The following NOVA1 variants were observed in gnomAD, a reference collection of about 807,000 sequenced individuals.
The protein encoded by NOVA1 is RNA-binding protein Nova-1.
A neutral mutation model predicts 38.0 loss-of-function variants in NOVA1; 7 were observed. The observed-to-expected ratio is 0.18, with a 90% confidence interval of 0.10 to 0.35. The LOEUF (loss-of-function observed/expected upper bound fraction) is 0.35. Ranked by LOEUF, NOVA1 falls within the 10% of genes least tolerant of loss-of-function variation. The probability of loss-of-function intolerance (pLI) is 1.00; values close to 1 mark genes in which losing one functional copy is unlikely to be tolerated. For synonymous variants in NOVA1, 270 were observed against 232.5 expected (o/e 1.16, Z -1.47); for missense variants, 460 against 616.0 (o/e 0.75, Z 2.68).
intron 2 of NOVA1, chr14:26,593,562 A>G (rs1011490986): frequency 6.6e-6 from 1 of 151,858 alleles, no homozygotes; most frequent in African/African-American, 2.4e-5. Context: ...TTCAACTCAC[A>G]TTTGATCAGG....
chr14:26,448,679 G>A lies in NOVA1; in HGVS notation c.804C>T (p.Thr268=), dbSNP rs369917970. The A allele has an allele frequency of 8.1e-5, 131 of 1,614,058 alleles. No homozygotes were observed. Among genetic ancestry groups the A allele is most frequent in the Non-Finnish European group, 1.1e-4 (127 of 1,180,036 alleles). ...VTGPVANSNP[T]GSPYANTAEV... Reference sequence around the variant, plus strand: ...CAGCAGTGTTTGCATAAGGAGATCCGGTTGGATTGGAATTTGCCACTGGAC... The same window carrying A: ...CAGCAGTGTTTGCATAAGGAGATCCAGTTGGATTGGAATTTGCCACTGGAC... The change falls in exon 5 of 5, where the codon ACC becomes ACT. Residue 268 remains threonine (T), a synonymous_variant. Coordinates refer to ENST00000539517, the MANE Select transcript of NOVA1 (RefSeq NM_002515.3). This position sits in a 1 kb window ranked among gnomAD's most constrained non-coding sequence, Gnocchi z 5.3.
chr14:26,474,289 T>A (rs1884807310), intron 3 of NOVA1, among the ~76,000 whole-genome samples: 1 of 152,010 alleles, frequency 6.6e-6, no homozygotes, highest in Admixed American at 6.6e-5. Context: ...AGAAGTACTA[T>A]CTAATGGAAA....
At chr14:26,458,593 C>T (rs1004964929) in intron 4 of NOVA1, among the ~76,000 whole-genome samples, 3 of 151,952 alleles carry the variant, frequency 2.0e-5, no homozygotes, top group Non-Finnish European at 2.9e-5. Context: ...GCTTGTTCTC[C>T]CTTATGAGAG....
chr14:26,480,511 C>G lies in NOVA1; in HGVS notation c.281-368G>C, dbSNP rs555258116. 2.0e-5 allele frequency among the ~76,000 whole-genome samples: 3 copies of G among 152,220 alleles called. No individual in the cohort carries two copies. In the East Asian group the frequency reaches 5.8e-4, roughly 29 times the overall value. On this transcript the variant is annotated intron_variant, in intron 2 of 4. Coordinates refer to ENST00000539517, the MANE Select transcript of NOVA1 (RefSeq NM_002515.3). ...AAACCCAGTTTTCAAAGAGCTTACT[C>G]TTCAGGGGGAAAAAAACCGACATAA...
chr14:26,526,280 G>C (rs1594467143), intron 2 of NOVA1, among the ~76,000 whole-genome samples: 1 of 152,078 alleles, frequency 6.6e-6, no homozygotes, highest in Non-Finnish European at 1.5e-5. Context: ...TGACTAACAT[G>C]GTTCTGTTTT....
intron 4 of NOVA1, among the ~76,000 whole-genome samples, chr14:26,460,101 T>G (rs919109001): frequency 6.6e-6 from 1 of 151,834 alleles, no homozygotes; most frequent in Non-Finnish European, 1.5e-5. Flanking sequence ...TCCCTCTCAT[T>G]AGGGAGAACA....
chr14:26,573,255 A>C (rs1331047372), intron 2 of NOVA1, among the ~76,000 whole-genome samples: 1 of 152,144 alleles, frequency 6.6e-6, no homozygotes, highest in Non-Finnish European at 1.5e-5. Context: ...TGACTGAAAA[A>C]GATAGTTCAG....
At chr14:26,508,363 A>C (rs962275477) in intron 2 of NOVA1, among the ~76,000 whole-genome samples, 1 of 152,056 alleles carries the variant, frequency 6.6e-6, no homozygotes, top group Non-Finnish European at 1.5e-5. Context: ...TCTTGCTTTC[A>C]GTAGCTTCTT....
intron 4 of NOVA1, among the ~76,000 whole-genome samples, chr14:26,455,997 T>TGTCA (rs1186458136): frequency 6.6e-6 from 1 of 151,988 alleles, no homozygotes. Context: ...ATCATCCATG[T>TGTCA]GTCAAGTTAA....
intron 2 of NOVA1, chr14:26,519,230 T>A (rs1318429319): frequency 6.6e-6 from 1 of 152,108 alleles, no homozygotes; most frequent in African/African-American, 2.4e-5. Context: ...CTGACAATAA[T>A]GTATTAAGTT....
At chr14:26,478,953 AT>A (rs1885212242) in intron 3 of NOVA1, 1 of 151,876 alleles carries the variant, frequency 6.6e-6, no homozygotes, top group Non-Finnish European at 1.5e-5. Flanking sequence ...TTTATATTTC[AT>A]TATTCAACAT....
At chr14:26,578,688 A>C (rs774079599) in intron 2 of NOVA1, among the ~76,000 whole-genome samples, 1 of 152,226 alleles carries the variant, frequency 6.6e-6, no homozygotes, top group Non-Finnish European at 1.5e-5. Context: ...ATTGGGACTT[A>C]ATATCATCAT....
At chr14:26,554,889 C>T (rs975314752) in intron 2 of NOVA1, among the ~76,000 whole-genome samples, 13 of 151,888 alleles carry the variant, frequency 8.6e-5, no homozygotes, top group Non-Finnish European at 1.8e-4. Flanking sequence ...GTTTTCCTTG[C>T]GTATAAAAGC....
At chr14:26,471,700 T>C (rs1323014264) in intron 4 of NOVA1, among the ~76,000 whole-genome samples, 2 of 152,024 alleles carry the variant, frequency 1.3e-5, no homozygotes, top group Non-Finnish European at 2.9e-5. Context: ...TAATAAAATA[T>C]ATTCTACTTG....
At position 26,542,539 on chromosome 14, in the gene NOVA1, G is replaced by A. The variant is rs1201915848; in HGVS notation, c.280+52871C>T. Among the ~76,000 whole-genome samples, 7 of 151,600 alleles carry A rather than the reference G, an allele frequency of 4.6e-5. No homozygotes were observed. In the East Asian group the frequency reaches 1.3e-3, roughly 29 times the overall value. ...TTAGGGTAATCACTCAAAATAACAG[G>A]ATAATGTCTGAATGAAACAGAACTT... On this transcript the variant is annotated intron_variant, in intron 2 of 4. Coordinates refer to ENST00000539517, the MANE Select transcript of NOVA1 (RefSeq NM_002515.3).
At chr14:26,522,742 T>C (rs1048015638) in intron 2 of NOVA1, among the ~76,000 whole-genome samples, 4 of 152,136 alleles carry the variant, frequency 2.6e-5, no homozygotes, top group African/African-American at 9.6e-5. Flanking sequence ...CTCTGTGAAA[T>C]TGAGTGAAGT....
At chr14:26,499,896 C>G (rs1229543928) in intron 2 of NOVA1, among the ~76,000 whole-genome samples, 1 of 152,108 alleles carries the variant, frequency 6.6e-6, no homozygotes, top group Non-Finnish European at 1.5e-5. Flanking sequence ...TTTGTTAATA[C>G]TATAAATACT....
chr14:26,554,021 C>G (rs903490662), intron 2 of NOVA1, among the ~76,000 whole-genome samples: 6 of 151,364 alleles, frequency 4.0e-5, no homozygotes, highest in African/African-American at 1.5e-4. Context: ...TGGTGGCATG[C>G]ACCTGTAATC....
intron 2 of NOVA1, among the ~76,000 whole-genome samples, chr14:26,546,823 T>A (rs1187404594): frequency 6.6e-6 from 1 of 152,072 alleles, no homozygotes; most frequent in African/African-American, 2.4e-5. Context: ...ATCAAGACCA[T>A]CCTGGCTAAC....
Sources: allele counts gnomAD v4.1 joint callset (sites outside exome capture counted in the v4.1 genomes callset), GRCh38; gene constraint gnomAD v4.1.1; non-coding constraint Gnocchi (gnomAD v3.1); transcripts MANE v1.5; gene names NCBI Gene and HGNC (gene_info 2026-07-23, HGNC 2026-07-21).